Variants in ACTR5 observed in about 807,000 individuals in gnomAD.
The protein encoded by ACTR5 is actin-related protein 5.
Under a neutral mutation model 61.2 loss-of-function variants are expected in ACTR5, and 43 were observed. That is an observed-to-expected ratio of 0.70 (90% CI 0.55 to 0.91). The LOEUF is 0.91. Among genes scored for constraint, ACTR5 ranks in the 40% least tolerant of loss-of-function variants. ACTR5 has a pLI of 0.00. For synonymous variants in ACTR5, 333 were observed against 310.5 expected (o/e 1.07, Z -0.76); for missense variants, 798 against 782.2 (o/e 1.02, Z -0.24).
intron 8 of ACTR5, 49 bp from the exon 9 acceptor site, chr20:38,771,510 C>G (rs796407173): frequency 1.3e-6 from 2 of 1,576,020 alleles, no homozygotes; most frequent in East Asian, 2.2e-5. Flanking sequence ...GGTCAACATT[C>G]ACTCCTGGAG....
chr20:38,766,450 T>A (rs965280343), intron 7 of ACTR5, 73 bp downstream of exon 7: 11 of 1,501,038 alleles, frequency 7.3e-6, no homozygotes, highest in Non-Finnish European at 9.8e-6. Flanking sequence ...AATGGTAGAT[T>A]TGATGGTCAG....
At chr20:38,753,517 A>G (rs963907132) in intron 3 of ACTR5, among the ~76,000 whole-genome samples, 1 of 152,110 alleles carries the variant, frequency 6.6e-6, no homozygotes, top group Non-Finnish European at 1.5e-5. Flanking sequence ...GATAGAGAAG[A>G]AGTGAGGGAA....
chr20:38,767,185 T>G (rs2084491711), intron 7 of ACTR5, among the ~76,000 whole-genome samples: 1 of 152,246 alleles, frequency 6.6e-6, no homozygotes, highest in African/African-American at 2.4e-5. Context: ...AAATTTATCC[T>G]CAAGTTTATT....
At chr20:38,749,946 C>G in intron 1 of ACTR5, 64 bp from the exon 2 acceptor site, 1 of 1,458,252 alleles carries the variant, frequency 6.9e-7, no homozygotes, top group Non-Finnish European at 9.4e-7. Flanking sequence ...ATTTTGGGTT[C>G]TTTTATGCTT....
At position 38,771,584 on chromosome 20, in the gene ACTR5, T is replaced by C. The variant is rs2084520266; in HGVS notation, c.1592T>C (p.Leu531Pro). 2 of 1,614,042 alleles carry C rather than the reference T, an allele frequency of 1.2e-6. No homozygotes were observed. Among genetic ancestry groups the C allele is most frequent in the Non-Finnish European group, 1.7e-6 (2 of 1,179,928 alleles). ...GTTCAACTTGCCTCGAACCCTGTGC[T>C]GGATGCCTGGTACGGTGCTCGTGAC... ...FQVQLASNPV[L>P]DAWYGARDWA... The change falls in exon 9 of 9, where the codon CTG (leucine) becomes CCG (proline). Residue 531 changes from leucine (L) to proline (P), a missense_variant. Leu to Pro is a moderately conservative substitution (Grantham distance 98). Transcript: ENST00000243903.
intron 2 of ACTR5, among the ~76,000 whole-genome samples, 172 bp from the exon 3 acceptor site, chr20:38,751,959 A>C (rs149958182): frequency 3.3e-4 from 50 of 152,296 alleles, no homozygotes; most frequent in African/African-American, 1.1e-3. Flanking sequence ...GCCTGCCTAG[A>C]TAAGAGGTTA....
At chr20:38,750,595 G>A (rs993162089) in intron 2 of ACTR5, among the ~76,000 whole-genome samples, 2 of 78,096 alleles carry the variant, frequency 2.6e-5, no homozygotes, top group Non-Finnish European at 5.7e-5. Context: ...TTGTGTTCTG[G>A]AGTTTTTTTT....
chr20:38,764,661 G>A (rs138150056), intron 5 of ACTR5, among the ~76,000 whole-genome samples: 79 of 152,128 alleles, frequency 5.2e-4, no homozygotes, highest in Admixed American at 3.8e-3. Flanking sequence ...GCTCATTAGC[G>A]TTGGCACATA....
intron 3 of ACTR5, among the ~76,000 whole-genome samples, chr20:38,752,896 C>A (rs1048430321): frequency 6.6e-6 from 1 of 151,896 alleles, no homozygotes; most frequent in African/African-American, 2.4e-5. Context: ...CAATAATGAG[C>A]TCCTGAAGGA....
At chr20:38,750,625 T>TTTTG (rs969972824) in intron 2 of ACTR5, among the ~76,000 whole-genome samples, 5 of 145,552 alleles carry the variant, frequency 3.4e-5, no homozygotes, top group East Asian at 2.0e-4. Context: ...TTGTTTTTGT[T>TTTTG]TTTGTTTGTT....
In ACTR5 at chr20:38,766,135, G is replaced by A. The variant is rs1601203316; in HGVS notation, c.1294-103G>A. 4.5e-6 allele frequency: 6 copies of A among 1,336,640 alleles called. No individual in the cohort carries two copies. The South Asian group carries it at 5.7e-5, about 13-fold the overall frequency. The allele number at this position is 1,336,640 out of a possible 1,614,324, so 82.8% of individuals were successfully genotyped here. On this transcript the variant is annotated intron_variant, in intron 6 of 8. Transcript: ENST00000243903. ...GAGAAGCTATACTGGCATTAACAAG[G>A]GACAGAAACTATTGGGATTAAGAAA... is the stretch of plus-strand genomic sequence containing the variant.
intron 5 of ACTR5, among the ~76,000 whole-genome samples, chr20:38,762,146 G>A (rs983590836): frequency 1.3e-5 from 2 of 152,176 alleles, no homozygotes; most frequent in Admixed American, 1.3e-4. Context: ...TTAAATAGTT[G>A]GGGACTGGAA....
rs777409273 is a variant in ACTR5 at position 38,755,973 on chromosome 20, G to A, written c.1110G>A (p.Gln370=). 6.2e-7 allele frequency: 1 copy of A among 1,614,112 alleles called. No homozygotes were observed. The highest frequency in any genetic ancestry group is 8.5e-7 in the Non-Finnish European group (1 of 1,180,040). ...YIQKLSIAVE[Q]AKQKILQAEV... ...AGAAGCTCAGTATAGCAGTGGAGCA[G>A]GCTAAGCAGAAAATCCTCCAAGCGG... is the stretch of plus-strand genomic sequence containing the variant. The change falls in exon 5 of 9, where the codon CAG becomes CAA. Residue 370 remains glutamine, a synonymous_variant. Transcript: ENST00000243903.
intron 5 of ACTR5, among the ~76,000 whole-genome samples, chr20:38,757,571 CAG>C (rs2084428056): frequency 6.6e-6 from 1 of 151,806 alleles, no homozygotes; most frequent in Admixed American, 6.6e-5. Flanking sequence ...AAATGCAAGT[CAG>C]TGCCATTTGA....
Position 38,767,711 on chromosome 20 carries a change from T to C in ACTR5, c.1566+115T>C, listed in dbSNP as rs957788323. 2.8e-5 allele frequency: 33 copies of C among 1,180,950 alleles called. No individual in the cohort carries two copies. The African/African-American group carries it at 5.1e-4, about 18-fold the overall frequency. 73.2% of individuals were successfully genotyped at this position (1,180,950 alleles called of 1,614,324 possible). A position where few individuals can be genotyped will look rare whatever the true frequency, so the allele number is the denominator to read the frequency against. ...GTTAACATTTTTGTGGCTTTTCTTC[T>C]GGTCTTAAGTCCATGCTTAATTTTT... On this transcript the variant is annotated intron_variant, in intron 8 of 8. Transcript: ENST00000243903.
chr20:38,758,508 G>A (rs577452078), intron 5 of ACTR5, among the ~76,000 whole-genome samples: 2 of 152,014 alleles, frequency 1.3e-5, no homozygotes, highest in Non-Finnish European at 2.9e-5. Context: ...TTAGCCGGGC[G>A]TCGGGGCAGG....
chr20:38,748,501 TC>T lies in ACTR5; in HGVS notation c.25del (p.Arg9AlafsTer124). 1.3e-6 allele frequency: 2 copies of T among 1,494,656 alleles called. No individual in the cohort carries two copies. Among genetic ancestry groups the T allele is most frequent in the Non-Finnish European group, 8.9e-7 (1 of 1,128,812 alleles). 92.6% of individuals were successfully genotyped at this position (1,494,656 alleles called of 1,614,324 possible). A position where few individuals can be genotyped will look rare whatever the true frequency, so the allele number is the denominator to read the frequency against. On this transcript the variant is annotated frameshift_variant, in exon 1 of 9. Coordinates refer to ENST00000243903, the MANE Select transcript of ACTR5 (RefSeq NM_024855.4). LOFTEE classifies it high-confidence loss of function. ...AAGATGGCGGCGAACGTGTTCCCGT[TC>T]CGCGACGCCCGTGCCGCACCGGACC... Reference protein sequence around the residue: MAANVFPFRDARAAPDPV... With the variant: MAANVFPXRDARAAPDPV...
At chr20:38,759,242 G>A (rs2084438887) in intron 5 of ACTR5, among the ~76,000 whole-genome samples, 1 of 152,228 alleles carries the variant, frequency 6.6e-6, no homozygotes, top group Non-Finnish European at 1.5e-5. Flanking sequence ...GCTCAAGGCT[G>A]TTTTAGGGAA....
At chr20:38,752,848 T>C (rs1157887443) in intron 3 of ACTR5, among the ~76,000 whole-genome samples, 1 of 152,160 alleles carries the variant, frequency 6.6e-6, no homozygotes, top group Non-Finnish European at 1.5e-5. Flanking sequence ...CAAGAATGGA[T>C]TTGCTTGTTG....
Sources: allele counts gnomAD v4.1 joint callset (sites outside exome capture counted in the v4.1 genomes callset), GRCh38; gene constraint gnomAD v4.1.1; transcripts MANE v1.5; gene names NCBI Gene and HGNC (gene_info 2026-07-23, HGNC 2026-07-21).